Variants in BPIFA2 observed in about 807,000 individuals in gnomAD.
The protein encoded by BPIFA2 is BPI fold containing family A member 2.
Under a neutral mutation model 25.7 loss-of-function variants are expected in BPIFA2, and 20 were observed. That is an observed-to-expected ratio of 0.78 (90% CI 0.55 to 1.13). The LOEUF is 1.13. Ranked by LOEUF, BPIFA2 falls within the 50% of genes most tolerant of loss-of-function variation. The probability of loss-of-function intolerance (pLI) is 0.00; values close to 1 mark genes in which losing one functional copy is unlikely to be tolerated. For synonymous variants in BPIFA2, 126 were observed against 124.3 expected (o/e 1.01, Z -0.09); for missense variants, 300 against 298.1 (o/e 1.01, Z -0.05).
intron 6 of BPIFA2, 50 bp downstream of exon 6, chr20:33,178,278 T>TG: frequency 7.1e-7 from 1 of 1,414,072 alleles, no homozygotes; most frequent in Non-Finnish European, 9.9e-7. Context: ...TGGGGGCAGG[T>TG]GGGGGAATTT....
chr20:33,170,796 T>C (rs1289507858), intron 2 of BPIFA2, among the ~76,000 whole-genome samples: 1 of 152,202 alleles, frequency 6.6e-6, no homozygotes. Flanking sequence ...TGCAACTGCT[T>C]TTGGTGTCAT....
At chr20:33,163,775 T>C (rs1208126531), upstream of BPIFA2, among the ~76,000 whole-genome samples, 2 of 148,692 alleles carry the variant, frequency 1.3e-5, no homozygotes, top group East Asian at 1.9e-4. Context: ...TGAGCCGAGA[T>C]GGACTTTGTT....
chr20:33,178,857 C>T (rs914819877), intron 6 of BPIFA2, among the ~76,000 whole-genome samples: 4 of 152,140 alleles, frequency 2.6e-5, no homozygotes, highest in Admixed American at 6.5e-5. Context: ...GATAGGAATG[C>T]GGAATCTCAG....
Position 33,169,242 on chromosome 20 carries a change from G to C in BPIFA2, c.97G>C (p.Val33Leu). 1 of 1,614,050 alleles carries C rather than the reference G, an allele frequency of 6.2e-7. No homozygotes were observed. The highest frequency in any genetic ancestry group is 8.5e-7 in the Non-Finnish European group (1 of 1,179,916). The change falls in exon 2 of 9, where the codon GTG (valine) becomes CTG (leucine). Residue 33 changes from valine to leucine, a missense_variant. By Grantham distance (32) the Val-to-Leu change is conservative (BLOSUM62 1). Transcript: ENST00000354932. ...DNLGNDLSNV[V>L]DKLEPVLHEG... The stretch of plus-strand genomic sequence containing the variant: ...TCTTGGCAATGACCTAAGCAATGTC[G>C]TGGATAAGCTGGAACCTGTTCTTCA...
upstream of BPIFA2, among the ~76,000 whole-genome samples, chr20:33,164,770 C>T (rs1251100687): frequency 2.6e-5 from 4 of 152,246 alleles, no homozygotes; most frequent in South Asian, 2.1e-4. Flanking sequence ...TCTGGGGGAA[C>T]GAAGGTGAAC....
At chr20:33,161,877 A>C (rs1983589788) in exon 1 of BPIFA2, 1 of 152,280 alleles carries the variant, frequency 6.6e-6, no homozygotes, top group Non-Finnish European at 1.5e-5. Context: ...ATTGTCCAGC[A>C]GAAACAGAGA....
chr20:33,169,217 T>C lies in BPIFA2; in HGVS notation c.72T>C (p.Asn24=). The C allele has an allele frequency of 6.2e-7, 1 of 1,614,070 alleles. No individual in the cohort carries two copies. The highest frequency in any genetic ancestry group is 8.5e-7 in the Non-Finnish European group (1 of 1,179,910). The stretch of plus-strand genomic sequence containing the variant: ...GGACCTCAGAGTCTCTTCTTGACAA[T>C]CTTGGCAATGACCTAAGCAATGTCG... ...LTGTSESLLD[N]LGNDLSNVVD... Residue 24 remains asparagine (N), a synonymous_variant, in exon 2 of 9, where the codon AAT becomes AAC. Coordinates refer to ENST00000354932, the MANE Select transcript of BPIFA2 (RefSeq NM_080574.4).
chr20:33,177,276 AC>A (rs1455135439), intron 5 of BPIFA2, among the ~76,000 whole-genome samples: 1 of 151,902 alleles, frequency 6.6e-6, no homozygotes, highest in African/African-American at 2.4e-5. Flanking sequence ...CATTGCTTGA[AC>A]CCAGGAGGCA....
intron 3 of BPIFA2, among the ~76,000 whole-genome samples, chr20:33,173,447 T>A (rs1055582454): frequency 2.0e-5 from 3 of 152,148 alleles, no homozygotes; most frequent in South Asian, 2.1e-4. Context: ...GGAACTGGAG[T>A]CTTCGCCACA....
intron 2 of BPIFA2, among the ~76,000 whole-genome samples, chr20:33,170,399 C>T (rs1483781953): frequency 6.6e-6 from 1 of 152,134 alleles, no homozygotes; most frequent in Non-Finnish European, 1.5e-5. Flanking sequence ...TGAGCATCAT[C>T]CTGTATCTAT....
At chr20:33,172,442 G>C (rs6120134) in intron 2 of BPIFA2, among the ~76,000 whole-genome samples, 14,020 of 152,082 alleles carry the variant, frequency 0.092, 2,114 homozygotes, top group African/African-American at 0.31. Context: ...GGACCTGCTG[G>C]AAAGCTGTCA....
At chr20:33,177,409 T>C (rs1018233238) in intron 5 of BPIFA2, among the ~76,000 whole-genome samples, 1 of 151,812 alleles carries the variant, frequency 6.6e-6, no homozygotes, top group Non-Finnish European at 1.5e-5. Flanking sequence ...CAGGCACCAT[T>C]CTGGGCTCTG....
chr20:33,179,889 C>T (rs577808355), intron 7 of BPIFA2, among the ~76,000 whole-genome samples: 1 of 152,152 alleles, frequency 6.6e-6, no homozygotes, highest in South Asian at 2.1e-4. Context: ...GTAAGTAAAG[C>T]TGTCAAGACC....
intron 5 of BPIFA2, among the ~76,000 whole-genome samples, chr20:33,177,440 A>C (rs1984118683): frequency 6.6e-6 from 1 of 152,040 alleles, no homozygotes; most frequent in African/African-American, 2.4e-5. Context: ...TGGTGATGAC[A>C]GACAAGGTCC....
At chr20:33,169,513 C>T (rs1983832442) in intron 2 of BPIFA2, among the ~76,000 whole-genome samples, 1 of 152,192 alleles carries the variant, frequency 6.6e-6, no homozygotes, top group South Asian at 2.1e-4. Flanking sequence ...GATAAACGTG[C>T]ATAAGATAAA....
chr20:33,164,830 G>A (rs190203753), upstream of BPIFA2, among the ~76,000 whole-genome samples: 12 of 152,324 alleles, frequency 7.9e-5, no homozygotes, highest in East Asian at 9.7e-4. Flanking sequence ...ACCCTGACCC[G>A]GTGAAAACTC....
chr20:33,164,796 A>G (rs1397678855), upstream of BPIFA2, among the ~76,000 whole-genome samples: 1 of 152,228 alleles, frequency 6.6e-6, no homozygotes, highest in African/African-American at 2.4e-5. Flanking sequence ...CAAGGTGCCC[A>G]GACTTCAAAG....
intron 1 of BPIFA2, among the ~76,000 whole-genome samples, chr20:33,168,412 T>TA (rs1160304156): frequency 6.6e-6 from 1 of 152,090 alleles, no homozygotes; most frequent in Non-Finnish European, 1.5e-5. Context: ...GGGCAATTCT[T>TA]ACTCCTGTTC....
At chr20:33,170,466 C>T (rs1191325684) in intron 2 of BPIFA2, among the ~76,000 whole-genome samples, 1 of 152,180 alleles carries the variant, frequency 6.6e-6, no homozygotes, top group Non-Finnish European at 1.5e-5. Flanking sequence ...AGCTAGAGTA[C>T]ACTGCCAGCC....
Sources: allele counts gnomAD v4.1 joint callset (sites outside exome capture counted in the v4.1 genomes callset), GRCh38; gene constraint gnomAD v4.1.1; transcripts MANE v1.5; gene names NCBI Gene and HGNC (gene_info 2026-07-23, HGNC 2026-07-21).